Variants in DLG2 observed in about 807,000 individuals in gnomAD.
DLG2 encodes the protein discs large MAGUK scaffold protein 2.
In DLG2, 45 loss-of-function variants were observed where a neutral mutation model predicts 132.5. The ratio of observed to expected loss-of-function variants is 0.34; its 90% CI spans 0.27 to 0.44. The LOEUF (loss-of-function observed/expected upper bound fraction) is 0.44, where lower values mean the gene tolerates loss of function less well. Ranked by LOEUF, DLG2 falls within the 20% of genes least tolerant of loss-of-function variation. DLG2 has a pLI of 1.00. For missense variants in DLG2, 1,045 were observed against 1,196.9 expected, an observed-to-expected ratio of 0.87 and a Z score of 1.87; for synonymous variants, 424 against 419.6, an observed-to-expected ratio of 1.01 and a Z score of -0.13.
chr11:84,677,770 A>G (rs577176240), intron 6 of DLG2, among the ~76,000 whole-genome samples: 1 of 152,126 alleles, frequency 6.6e-6, no homozygotes, highest in African/African-American at 2.4e-5. Flanking sequence ...GCATGCACTC[A>G]TAGTTCTAGC....
intron 6 of DLG2, among the ~76,000 whole-genome samples, chr11:84,829,154 C>A (rs2078706067): frequency 6.6e-6 from 1 of 151,546 alleles, no homozygotes; most frequent in African/African-American, 2.4e-5. Flanking sequence ...TATTGTAATT[C>A]CCAAATAATC....
intron 6 of DLG2, among the ~76,000 whole-genome samples, chr11:84,981,918 A>G (rs181569548): frequency 3.3e-5 from 5 of 152,202 alleles, no homozygotes; most frequent in East Asian, 1.9e-4. Context: ...ACAAAATCCA[A>G]TGAAAGGTTT....
chr11:84,491,772 A>C (rs1172623637), intron 7 of DLG2, among the ~76,000 whole-genome samples: 1 of 152,180 alleles, frequency 6.6e-6, no homozygotes, highest in Non-Finnish European at 1.5e-5. Context: ...TAAAAATTAC[A>C]GAAATCTTTT....
intron 4 of DLG2, among the ~76,000 whole-genome samples, chr11:85,243,461 T>C (rs2075988624): frequency 6.6e-6 from 1 of 152,002 alleles, no homozygotes; most frequent in African/African-American, 2.4e-5. Flanking sequence ...GTTGGAAATA[T>C]TTCACCAAAA....
At chr11:83,967,633 T>G (rs1229243139) in intron 12 of DLG2, among the ~76,000 whole-genome samples, 1 of 152,192 alleles carries the variant, frequency 6.6e-6, no homozygotes, top group Non-Finnish European at 1.5e-5. Flanking sequence ...TTTTGGTTAT[T>G]AACCTATCAT....
chr11:85,041,448 A>G (rs2061858626), intron 6 of DLG2, among the ~76,000 whole-genome samples: 1 of 151,972 alleles, frequency 6.6e-6, no homozygotes, highest in Non-Finnish European at 1.5e-5. Context: ...ATCTAAAAAT[A>G]CAAAGGAAAA....
At chr11:85,074,197 C>G (rs2066231216) in intron 6 of DLG2, among the ~76,000 whole-genome samples, 1 of 151,854 alleles carries the variant, frequency 6.6e-6, no homozygotes, top group South Asian at 2.1e-4. Flanking sequence ...CTGCAACATG[C>G]AATTTACCTA....
rs559089356 is a variant in DLG2 at position 85,090,830 on chromosome 11, T to A, written c.357+20831A>T. On this transcript the variant is annotated intron_variant, in intron 6 of 27. Transcript: ENST00000376104. The stretch of plus-strand genomic sequence containing the variant: ...ACAAAGATACCTGACACTGAGTAAT[T>A]TATAAAGAAAAAAAGGCTTATTTTG... Among the ~76,000 whole-genome samples, 5 of 152,340 alleles carry A rather than the reference T, an allele frequency of 3.3e-5. No individual in the cohort carries two copies. In the East Asian group the frequency reaches 9.6e-4, roughly 29 times the overall value.
chr11:84,236,157 C>G lies in DLG2; in HGVS notation c.573+15081G>C, dbSNP rs74478089. On this transcript the variant is annotated intron_variant, in intron 8 of 27. Transcript: ENST00000376104. The stretch of plus-strand genomic sequence containing the variant: ...TGCCAAGTCTGTGCCCTTGGCCATA[C>G]CAAAATAACATTCCATTTTAAAGAA... Among the ~76,000 whole-genome samples the G allele has an allele frequency of 1.3e-4, 20 of 151,970 alleles. 1 individual carries two copies. In the East Asian group the frequency reaches 3.3e-3, roughly 25 times the overall value.
intron 7 of DLG2, among the ~76,000 whole-genome samples, chr11:84,345,219 T>C (rs1184657915): frequency 6.6e-6 from 1 of 152,170 alleles, no homozygotes; most frequent in Non-Finnish European, 1.5e-5. Context: ...AGGAACAAAT[T>C]TTATGCTGAC....
chr11:85,309,574 A>T lies in DLG2; in HGVS notation c.41-24209T>A, dbSNP rs1341379882. Among the ~76,000 whole-genome samples the T allele has an allele frequency of 2.0e-5, 3 of 152,172 alleles. No individual in the cohort carries two copies. In the East Asian group the frequency reaches 5.8e-4, roughly 29 times the overall value. The stretch of plus-strand genomic sequence containing the variant: ...CCCAATAGGCATTTAAATGAAACAT[A>T]TAGTCATTACCACAAAAGACAAGGC... On this transcript the variant is annotated intron_variant, in intron 3 of 27. Transcript: ENST00000376104.
intron 6 of DLG2, among the ~76,000 whole-genome samples, chr11:84,708,431 T>C (rs377408444): frequency 6.6e-6 from 1 of 151,950 alleles, no homozygotes; most frequent in African/African-American, 2.4e-5. Context: ...TTAAACCTTA[T>C]GACCACTTTC....
intron 6 of DLG2, among the ~76,000 whole-genome samples, chr11:85,047,317 C>G (rs2062440733): frequency 6.6e-6 from 1 of 151,946 alleles, no homozygotes; most frequent in Non-Finnish European, 1.5e-5. Context: ...CATAATACTT[C>G]TCATGGCAAA....
intron 3 of DLG2, among the ~76,000 whole-genome samples, chr11:85,489,236 C>T (rs918365378): frequency 2.0e-5 from 3 of 151,824 alleles, no homozygotes; most frequent in Non-Finnish European, 4.4e-5. Flanking sequence ...AAGAATATTC[C>T]ACACAAACAA....
intron 19 of DLG2, among the ~76,000 whole-genome samples, chr11:83,551,172 T>A (rs2142047633): frequency 6.6e-6 from 1 of 152,266 alleles, no homozygotes; most frequent in East Asian, 1.9e-4. Context: ...ACAGGGTCCT[T>A]ATAAGAATTA....
At chr11:84,276,703 G>T (rs991340052) in intron 7 of DLG2, among the ~76,000 whole-genome samples, 1 of 152,062 alleles carries the variant, frequency 6.6e-6, no homozygotes, top group African/African-American at 2.4e-5. Flanking sequence ...AATATGTCAC[G>T]ATGCTCTAAC....
chr11:85,344,292 T>G (rs1291657396), intron 3 of DLG2, among the ~76,000 whole-genome samples: 1 of 152,184 alleles, frequency 6.6e-6, no homozygotes, highest in Non-Finnish European at 1.5e-5. Context: ...GCTCCTGAGC[T>G]TCACCTTTTC....
At chr11:83,985,176 G>A (rs545836787) in intron 11 of DLG2, among the ~76,000 whole-genome samples, 1 of 152,114 alleles carries the variant, frequency 6.6e-6, no homozygotes, top group African/African-American at 2.4e-5. Flanking sequence ...AGCAGGGGCA[G>A]GCTCTCTACC....
intron 7 of DLG2, among the ~76,000 whole-genome samples, chr11:84,393,885 A>AT (rs1358324315): frequency 2.3e-4 from 35 of 151,778 alleles, no homozygotes; most frequent in Admixed American, 1.1e-3. Flanking sequence ...ACTCTGTTCA[A>AT]TTTTTTTTGT....
Sources: allele counts gnomAD v4.1 joint callset (sites outside exome capture counted in the v4.1 genomes callset), GRCh38; gene constraint gnomAD v4.1.1; transcripts MANE v1.5; gene names NCBI Gene and HGNC (gene_info 2026-07-23, HGNC 2026-07-21).